The following TTC29 variants were observed in gnomAD, a reference collection of about 807,000 sequenced individuals.
TTC29 encodes the protein tetratricopeptide repeat domain 29.
Under a neutral mutation model 58.1 loss-of-function variants are expected in TTC29, and 49 were observed. That is an observed-to-expected ratio of 0.84 (90% CI 0.67 to 1.07). TTC29 has a LOEUF of 1.07. TTC29 is among the 50% of genes least tolerant of loss of function. TTC29 has a pLI of 0.00. For missense variants in TTC29, 582 were observed against 555.6 expected (o/e 1.05, Z -0.48); for synonymous variants, 209 against 196.8 (o/e 1.06, Z -0.52).
chr4:146,737,919 GA>G (rs1744844448), intron 11 of TTC29, among the ~76,000 whole-genome samples: 1 of 152,178 alleles, frequency 6.6e-6, no homozygotes, highest in South Asian at 2.1e-4. Flanking sequence ...TTCTAAGCCA[GA>G]AACTGTCCCT....
chr4:146,879,002 G>T (rs1579895075), intron 6 of TTC29, among the ~76,000 whole-genome samples: 1 of 152,088 alleles, frequency 6.6e-6, no homozygotes, highest in South Asian at 2.1e-4. Flanking sequence ...GAGGTCAGTG[G>T]GGTCCTGATT....
intron 11 of TTC29, among the ~76,000 whole-genome samples, chr4:146,743,547 C>T (rs151112470): frequency 1.3e-5 from 2 of 152,282 alleles, no homozygotes; most frequent in East Asian, 1.9e-4. Context: ...ATGTAAGACA[C>T]TCTGGTTTTA....
At chr4:146,791,957 G>A (rs1749489601) in intron 11 of TTC29, among the ~76,000 whole-genome samples, 4 of 152,204 alleles carry the variant, frequency 2.6e-5, no homozygotes, top group Admixed American at 2.6e-4. Flanking sequence ...AAGGCTGAGA[G>A]AGGTAAGGAA....
intron 11 of TTC29, among the ~76,000 whole-genome samples, chr4:146,772,102 T>G (rs72956298): frequency 6.6e-6 from 1 of 152,090 alleles, no homozygotes; most frequent in African/African-American, 2.4e-5. Flanking sequence ...GGGTTGTTTG[T>G]TTTCTGCTTG....
At chr4:146,874,060 T>C (rs1196674003) in intron 7 of TTC29, among the ~76,000 whole-genome samples, 2 of 152,210 alleles carry the variant, frequency 1.3e-5, no homozygotes, top group Non-Finnish European at 2.9e-5. Context: ...ATTTTATACA[T>C]ACAGAAATGA....
chr4:146,912,044 G>A (rs1579968540), intron 4 of TTC29, among the ~76,000 whole-genome samples: 1 of 152,250 alleles, frequency 6.6e-6, no homozygotes, highest in East Asian at 1.9e-4. Flanking sequence ...GGGCCACATT[G>A]GAAGAAGAAT....
At chr4:146,850,964 C>T (rs867690714) in intron 8 of TTC29, among the ~76,000 whole-genome samples, 17 of 152,048 alleles carry the variant, frequency 1.1e-4, no homozygotes, top group Admixed American at 9.2e-4. Flanking sequence ...AATAAACATA[C>T]CACTTTTTAC....
intron 6 of TTC29, among the ~76,000 whole-genome samples, chr4:146,894,179 G>A (rs1260109120): frequency 6.6e-6 from 1 of 152,004 alleles, no homozygotes; most frequent in Admixed American, 6.6e-5. Flanking sequence ...CCCATTACTG[G>A]GTATATACCC....
intron 10 of TTC29, among the ~76,000 whole-genome samples, chr4:146,818,016 G>C (rs915138472): frequency 6.6e-6 from 1 of 152,122 alleles, no homozygotes; most frequent in Non-Finnish European, 1.5e-5. Flanking sequence ...TCAGGACATA[G>C]GCATGGGCAA....
chr4:146,768,084 G>A (rs996289246), intron 11 of TTC29, among the ~76,000 whole-genome samples: 3 of 151,926 alleles, frequency 2.0e-5, no homozygotes, highest in African/African-American at 7.2e-5. Flanking sequence ...TATTTGTCAG[G>A]AAGTAAAATA....
intron 11 of TTC29, among the ~76,000 whole-genome samples, chr4:146,778,100 T>C (rs1444615430): frequency 6.6e-6 from 1 of 152,130 alleles, no homozygotes; most frequent in Non-Finnish European, 1.5e-5. Flanking sequence ...TTGGGAGTCA[T>C]TAGTTATAGT....
chr4:146,930,420 C>T (rs556451395), intron 4 of TTC29, among the ~76,000 whole-genome samples: 6 of 151,878 alleles, frequency 4.0e-5, no homozygotes, highest in African/African-American at 9.7e-5. Flanking sequence ...CAGAAAAGTC[C>T]CTGGTCTGGT....
At chr4:146,893,726 T>C (rs1732548971) in intron 6 of TTC29, among the ~76,000 whole-genome samples, 1 of 152,164 alleles carries the variant, frequency 6.6e-6, no homozygotes, top group African/African-American at 2.4e-5. Flanking sequence ...CAAAAGATAC[T>C]ACCATCAGAG....
chr4:146,783,985 A>G (rs1312380667), intron 11 of TTC29, among the ~76,000 whole-genome samples: 3 of 151,626 alleles, frequency 2.0e-5, no homozygotes, highest in African/African-American at 4.8e-5. Context: ...TAACCTTTCT[A>G]AAGACTTGTG....
intron 6 of TTC29, among the ~76,000 whole-genome samples, chr4:146,894,385 A>G (rs1468159874): frequency 5.9e-5 from 9 of 152,048 alleles, no homozygotes; most frequent in Non-Finnish European, 8.8e-5. Context: ...TTGTAGGGAC[A>G]TGGATGAAGC....
At chr4:146,728,844 T>C (rs1158579240) in intron 11 of TTC29, among the ~76,000 whole-genome samples, 1 of 84,106 alleles carries the variant, frequency 1.2e-5, no homozygotes. Context: ...TACACATATA[T>C]ATGTATATAT....
chr4:146,821,619 AT>A (rs1751834790), intron 9 of TTC29, among the ~76,000 whole-genome samples: 2 of 152,276 alleles, frequency 1.3e-5, no homozygotes, highest in South Asian at 4.1e-4. Flanking sequence ...GCATTAATAC[AT>A]TTTTCAATGA....
chr4:146,881,021 C>T (rs529830247), intron 6 of TTC29, among the ~76,000 whole-genome samples: 149 of 151,972 alleles, frequency 9.8e-4, no homozygotes, highest in Non-Finnish European at 1.4e-3. Flanking sequence ...AAGTTTGCAA[C>T]GCAATAAGGG....
chr4:146,824,836 G>A (rs534168316), intron 9 of TTC29, among the ~76,000 whole-genome samples: 2 of 152,120 alleles, frequency 1.3e-5, no homozygotes, highest in Non-Finnish European at 2.9e-5. Flanking sequence ...TTGGTAAGGT[G>A]TATGCATCCA....
Sources: allele counts gnomAD v4.1 joint callset (sites outside exome capture counted in the v4.1 genomes callset), GRCh38; gene constraint gnomAD v4.1.1; transcripts MANE v1.5; gene names NCBI Gene and HGNC (gene_info 2026-07-23, HGNC 2026-07-21).